The following JAM3 variants were observed in gnomAD, a reference collection of about 807,000 sequenced individuals.
JAM3 encodes the protein junctional adhesion molecule C.
In JAM3, 31 loss-of-function variants were observed where a neutral mutation model predicts 39.4. That is an observed-to-expected ratio of 0.79 (90% CI 0.59 to 1.06). JAM3 has a LOEUF of 1.06. Among genes scored for constraint, JAM3 ranks in the 50% least tolerant of loss-of-function variants. The pLI is 0.00. For missense variants in JAM3, 455 were observed against 391.4 expected (o/e 1.16, Z -1.37); for synonymous variants, 182 against 148.7 (o/e 1.22, Z -1.63).
At chr11:134,128,885 C>T (rs1336168019) in intron 1 of JAM3, among the ~76,000 whole-genome samples, 1 of 152,168 alleles carries the variant, frequency 6.6e-6, no homozygotes, top group East Asian at 1.9e-4. Context: ...GTATTCATTT[C>T]CATTCCCCTC....
chr11:134,131,771 T>A (rs1475935255), intron 1 of JAM3, among the ~76,000 whole-genome samples: 2 of 152,060 alleles, frequency 1.3e-5, no homozygotes, highest in African/African-American at 2.4e-5. Flanking sequence ...ATGAAACAAA[T>A]TTTGGAACTG....
chr11:134,106,290 C>T (rs1942184311), intron 1 of JAM3, among the ~76,000 whole-genome samples: 1 of 151,782 alleles, frequency 6.6e-6, no homozygotes, highest in Non-Finnish European at 1.5e-5. Flanking sequence ...AACTGGCTAG[C>T]CATATGTAGA....
chr11:134,148,954 T>TCTC (rs535949755), intron 8 of JAM3, 136 bp downstream of exon 8: 22 of 763,342 alleles, frequency 2.9e-5, no homozygotes, highest in African/African-American at 1.0e-4. Flanking sequence ...CCCTTCACAG[T>TCTC]AACACACACA....
chr11:134,101,876 G>A (rs1156433538), intron 1 of JAM3, among the ~76,000 whole-genome samples: 1 of 152,052 alleles, frequency 6.6e-6, no homozygotes, highest in Non-Finnish European at 1.5e-5. Context: ...AGACTAGCTT[G>A]GGCAAGATAG....
At chr11:134,144,066 A>C (rs910662792) in intron 3 of JAM3, among the ~76,000 whole-genome samples, 175 bp from the exon 4 acceptor site, 2 of 152,008 alleles carry the variant, frequency 1.3e-5, no homozygotes, top group African/African-American at 4.8e-5. Context: ...ACAGATAGGA[A>C]TAGGTCATGG....
chr11:134,101,222 A>T (rs749428909), intron 1 of JAM3, among the ~76,000 whole-genome samples: 3 of 152,236 alleles, frequency 2.0e-5, no homozygotes, highest in African/African-American at 4.8e-5. Flanking sequence ...TGTAATGGCA[A>T]ATTAATGTGT....
At chr11:134,128,727 C>T (rs930875107) in intron 1 of JAM3, among the ~76,000 whole-genome samples, 2 of 124,954 alleles carry the variant, frequency 1.6e-5, no homozygotes, top group Non-Finnish European at 3.3e-5. Context: ...TGTAAGTTTC[C>T]TGAGGCCTCA....
intron 1 of JAM3, among the ~76,000 whole-genome samples, chr11:134,115,474 G>T (rs191362756): frequency 6.6e-6 from 1 of 152,054 alleles, no homozygotes; most frequent in East Asian, 1.9e-4. Context: ...AACTTTGTTT[G>T]GTCTTTTTTG....
At chr11:134,124,081 T>A in intron 1 of JAM3, 1 of 1,489,362 alleles carries the variant, frequency 6.7e-7, no homozygotes, top group Non-Finnish European at 9.4e-7. Flanking sequence ...TATAACAGGT[T>A]TAACCAATCA....
chr11:134,145,024 A>G (rs779605773), intron 5 of JAM3, 30 bp downstream of exon 5: 7 of 1,548,238 alleles, frequency 4.5e-6, no homozygotes, highest in African/African-American at 1.4e-5. Flanking sequence ...GTGAGGATGG[A>G]GATGTCTTTG....
intron 1 of JAM3, among the ~76,000 whole-genome samples, chr11:134,075,137 A>G (rs1371438944): frequency 1.3e-5 from 2 of 152,166 alleles, no homozygotes; most frequent in South Asian, 4.1e-4. Context: ...AAGCAGGAGA[A>G]CTTAAGATAA....
chr11:134,069,287 G>C (rs946999434), intron 1 of JAM3, 128 bp downstream of exon 1: 1 of 1,271,380 alleles, frequency 7.9e-7, no homozygotes, highest in African/African-American at 1.6e-5. Flanking sequence ...CCGGGGTCCC[G>C]GGCCGGAGGG....
chr11:134,103,710 A>C (rs1200726635), intron 1 of JAM3, among the ~76,000 whole-genome samples: 1 of 152,226 alleles, frequency 6.6e-6, no homozygotes, highest in Non-Finnish European at 1.5e-5. Flanking sequence ...CAGGGGTTGC[A>C]ATCCTAGTCT....
At chr11:134,087,376 TAAAAC>T (rs1462239941) in intron 1 of JAM3, among the ~76,000 whole-genome samples, 4 of 152,178 alleles carry the variant, frequency 2.6e-5, no homozygotes. Context: ...GCTTAGGCAT[TAAAAC>T]AAAGCATTAT....
rs1942279051 is a variant in JAM3, at chr11:134,110,006, G to A, written c.77-29845G>A. ...ACATTGCTTTCACTCTAAAATGGCAGAGTTGAGTAACTGTAGCAGAGATCT... is the reference window on the plus strand; with the variant it reads ...ACATTGCTTTCACTCTAAAATGGCAAAGTTGAGTAACTGTAGCAGAGATCT... On this transcript the variant is annotated intron_variant, in intron 1 of 8. Coordinates refer to ENST00000299106, the MANE Select transcript of JAM3 (RefSeq NM_032801.5). 2.0e-5 allele frequency among the ~76,000 whole-genome samples: 3 copies of A among 152,274 alleles called. No homozygotes were observed. In the South Asian group the frequency reaches 6.2e-4, roughly 32 times the overall value.
At chr11:134,091,517 G>A (rs952228800) in intron 1 of JAM3, among the ~76,000 whole-genome samples, 1 of 146,238 alleles carries the variant, frequency 6.8e-6, no homozygotes, top group Non-Finnish European at 1.5e-5. Flanking sequence ...TAGATAGATA[G>A]ATGGATAGAT....
intron 1 of JAM3, among the ~76,000 whole-genome samples, chr11:134,129,647 G>A (rs1313905509): frequency 6.6e-6 from 1 of 152,074 alleles, no homozygotes; most frequent in Non-Finnish European, 1.5e-5. Context: ...GTGAAAGAAG[G>A]GTAAGTTTTT....
At chr11:134,133,315 A>G (rs1451598746) in intron 1 of JAM3, among the ~76,000 whole-genome samples, 1 of 152,196 alleles carries the variant, frequency 6.6e-6, no homozygotes, top group Non-Finnish European at 1.5e-5. Flanking sequence ...TCTTGCTAGA[A>G]ATTCCAATAT....
chr11:134,104,038 A>C (rs983793912), intron 1 of JAM3, among the ~76,000 whole-genome samples: 11 of 152,356 alleles, frequency 7.2e-5, no homozygotes, highest in African/African-American at 2.6e-4. Flanking sequence ...TCTCCACCCC[A>C]AATCAACAGA....
Sources: allele counts gnomAD v4.1 joint callset (sites outside exome capture counted in the v4.1 genomes callset), GRCh38; gene constraint gnomAD v4.1.1; transcripts MANE v1.5; gene names NCBI Gene and HGNC (gene_info 2026-07-23, HGNC 2026-07-21).